The following PDCD4 variants were observed in gnomAD, a reference collection of about 807,000 sequenced individuals.
The protein encoded by PDCD4 is programmed cell death protein 4.
A neutral mutation model predicts 54.0 loss-of-function variants in PDCD4; 56 were observed. The ratio of observed to expected loss-of-function variants is 1.04; its 90% CI spans 0.84 to 1.30. The LOEUF is 1.30. Among genes scored for constraint, PDCD4 ranks in the 50% most tolerant of loss-of-function variants. The pLI, the probability that PDCD4 is intolerant of heterozygous loss-of-function variation, is 0.00. For synonymous variants in PDCD4, 186 were observed against 194.8 expected (o/e 0.95, Z 0.37); for missense variants, 584 against 559.8 (o/e 1.04, Z -0.44).
chr10:110,873,577 G>A (rs1845455723), intron 1 of PDCD4, among the ~76,000 whole-genome samples: 1 of 152,142 alleles, frequency 6.6e-6, no homozygotes, highest in East Asian at 1.9e-4. Flanking sequence ...CTTCTAACTT[G>A]TATGTATAGT....
At chr10:110,892,819 A>C (rs1674200336) in intron 8 of PDCD4, among the ~76,000 whole-genome samples, 1 of 152,176 alleles carries the variant, frequency 6.6e-6, no homozygotes, top group Non-Finnish European at 1.5e-5. Context: ...ACATTCACTA[A>C]CCACTCACTC....
At chr10:110,879,054 C>G (rs748806667) in intron 2 of PDCD4, among the ~76,000 whole-genome samples, 1 of 152,142 alleles carries the variant, frequency 6.6e-6, no homozygotes, top group African/African-American at 2.4e-5. Flanking sequence ...TCTCTTTAAT[C>G]CTAGATACAT....
chr10:110,881,126 A>G (rs1352802111), intron 2 of PDCD4, 107 bp from the exon 3 acceptor site: 2 of 754,806 alleles, frequency 2.6e-6, no homozygotes, highest in East Asian at 2.6e-5. Context: ...TTTACCTACA[A>G]AAATGGTAAT....
Position 110,889,580 on chromosome 10 carries a change from T to C in PDCD4, c.825T>C (p.Cys275=), listed in dbSNP as rs1373734399. The C allele has an allele frequency of 2.5e-6, 4 of 1,608,392 alleles. No individual in the cohort carries two copies. The highest frequency in any genetic ancestry group is 1.3e-5 in the African/African-American group (1 of 74,758). ...GAGCTGTTGGAGATGGAATTTTATG[T>C]AATACCTATATTGATAGTTACAAAG... The part of the protein sequence containing the change: ...IARAVGDGIL[C]NTYIDSYKGT... Residue 275 remains cysteine (C), a synonymous_variant, in exon 7 of 12, where the codon TGT becomes TGC. Coordinates refer to ENST00000280154, the MANE Select transcript of PDCD4 (RefSeq NM_014456.5).
chr10:110,890,705 A>G, intron 8 of PDCD4, 35 bp downstream of exon 8: 1 of 1,356,248 alleles, frequency 7.4e-7, no homozygotes, highest in Non-Finnish European at 1.1e-6. Context: ...CTTAATTTAT[A>G]TGTATTCCTC....
At chr10:110,887,260 G>A (rs959303827) in intron 5 of PDCD4, among the ~76,000 whole-genome samples, 5 of 152,036 alleles carry the variant, frequency 3.3e-5, no homozygotes, top group Admixed American at 2.6e-4. Flanking sequence ...TTTGTAGCCC[G>A]GGAGCAATAG....
chr10:110,875,691 CAT>C (rs2135187519), intron 1 of PDCD4, among the ~76,000 whole-genome samples: 1 of 151,894 alleles, frequency 6.6e-6, no homozygotes, highest in South Asian at 2.1e-4. Context: ...GTATCACAAA[CAT>C]ATCTTTTAAT....
Position 110,873,388 on chromosome 10 carries a change from C to T in PDCD4, c.-63+1370C>T, listed in dbSNP as rs138875054. ...TAGTTAATAAATGGCCAAAGCTTGA[C>T]TCCCCAAAATGCCAGAGCAATTTAT... On this transcript the variant is annotated intron_variant, in intron 1 of 11. Transcript: ENST00000280154. Among the ~76,000 whole-genome samples, 82 of 152,318 alleles carry T rather than the reference C, an allele frequency of 5.4e-4. 1 individual carries two copies. The East Asian group carries it at 0.015, about 28-fold the overall frequency.
chr10:110,879,716 C>T (rs1564680573), intron 2 of PDCD4, among the ~76,000 whole-genome samples: 1 of 151,066 alleles, frequency 6.6e-6, no homozygotes, highest in Non-Finnish European at 1.5e-5. Flanking sequence ...AAAGGATCTT[C>T]AGTGAGGGCA....
At chr10:110,876,754 G>A in intron 2 of PDCD4, 2 of 1,109,970 alleles carry the variant, frequency 1.8e-6, no homozygotes, top group Non-Finnish European at 2.5e-6. Context: ...ATGACCAAAT[G>A]TGAGTAACTC....
At chr10:110,894,306 G>A (rs1160946505) in intron 9 of PDCD4, 106 bp from the exon 10 acceptor site, 4 of 885,858 alleles carry the variant, frequency 4.5e-6, no homozygotes, top group East Asian at 4.8e-5. Flanking sequence ...ATCAAAGGAG[G>A]AAGTGGTTAT....
chr10:110,878,331 A>G (rs569982699), intron 2 of PDCD4, among the ~76,000 whole-genome samples: 1 of 152,328 alleles, frequency 6.6e-6, no homozygotes, highest in African/African-American at 2.4e-5. Flanking sequence ...AAATTGTTGA[A>G]GAAAAGAAAA....
At chr10:110,872,592 C>A (rs1385097547) in intron 1 of PDCD4, among the ~76,000 whole-genome samples, 7 of 152,198 alleles carry the variant, frequency 4.6e-5, no homozygotes, top group Non-Finnish European at 8.8e-5. Flanking sequence ...TAGCCTGAGC[C>A]CGCTGCGGGA....
intron 2 of PDCD4, chr10:110,880,439 T>C (rs967929449): frequency 2.6e-5 from 4 of 152,212 alleles, no homozygotes; most frequent in African/African-American, 9.7e-5. Context: ...TATGTTGATC[T>C]CTTTCAGAAG....
chr10:110,889,317 G>C (rs1056917806), intron 6 of PDCD4, among the ~76,000 whole-genome samples: 1 of 151,722 alleles, frequency 6.6e-6, no homozygotes, highest in Non-Finnish European at 1.5e-5. Context: ...AACAGATGTG[G>C]CCCCCACTCT....
At position 110,885,283 on chromosome 10, in the gene PDCD4, C is replaced by T. The variant is rs200942827; in HGVS notation, c.472C>T (p.Pro158Ser). 6 of 1,587,762 alleles carry T rather than the reference C, an allele frequency of 3.8e-6. No homozygotes were observed. The highest frequency in any genetic ancestry group is 5.2e-6 in the Non-Finnish European group (6 of 1,159,168). ...CTGTGTTTATGAAACTGTAGTTTTG[C>T]CTTTGGATGAAAGGGCATTTGAGAA... is the stretch of plus-strand genomic sequence containing the variant. ...ENCVYETVVL[P>S]LDERAFEKTL... The change falls in exon 5 of 12, where the codon CCT becomes TCT. Residue 158 changes from proline (P) to serine (S), a missense_variant. Pro to Ser is a moderately conservative substitution (Grantham distance 74). Coordinates refer to ENST00000280154, the MANE Select transcript of PDCD4 (RefSeq NM_014456.5).
chr10:110,895,051 C>A (rs1358560785), intron 10 of PDCD4, among the ~76,000 whole-genome samples: 1 of 151,742 alleles, frequency 6.6e-6, no homozygotes, highest in Non-Finnish European at 1.5e-5. Context: ...AGCTATGTAA[C>A]CAGTTTTACT....
chr10:110,882,901 A>AT, intron 3 of PDCD4, 102 bp from the exon 4 acceptor site: 2 of 756,324 alleles, frequency 2.6e-6, no homozygotes, highest in African/African-American at 1.8e-5. Flanking sequence ...CGTTAAATAC[A>AT]ATTTTTTTTT....
At chr10:110,887,981 A>G (rs1362511389) in intron 6 of PDCD4, 95 bp downstream of exon 6, 3 of 728,304 alleles carry the variant, frequency 4.1e-6, no homozygotes, top group Non-Finnish European at 4.6e-6. Context: ...AGTAGATGGA[A>G]GGGGATGGCC....
Sources: allele counts gnomAD v4.1 joint callset (sites outside exome capture counted in the v4.1 genomes callset), GRCh38; gene constraint gnomAD v4.1.1; transcripts MANE v1.5; gene names NCBI Gene and HGNC (gene_info 2026-07-23, HGNC 2026-07-21).